The following PACRG variants were observed in gnomAD, a reference collection of about 807,000 sequenced individuals.
PACRG encodes the protein parkin coregulated gene protein.
In PACRG, 29 loss-of-function variants were observed where a neutral mutation model predicts 29.7. The observed-to-expected ratio is 0.98, with a 90% confidence interval of 0.73 to 1.33. The LOEUF is 1.33. Ranked by LOEUF, PACRG falls within the 40% of genes most tolerant of loss-of-function variation. The pLI is 0.00. For missense variants in PACRG, 279 were observed against 316.2 expected, an observed-to-expected ratio of 0.88 and a Z score of 0.89; for synonymous variants, 116 against 118.7, an observed-to-expected ratio of 0.98 and a Z score of 0.15.
chr6:163,252,680 C>G (rs767346934), intron 4 of PACRG, among the ~76,000 whole-genome samples: 1 of 152,182 alleles, frequency 6.6e-6, no homozygotes, highest in Admixed American at 6.5e-5. Context: ...TAACGGACAC[C>G]TCACCAGTGT....
intron 4 of PACRG, among the ~76,000 whole-genome samples, chr6:163,153,019 G>C (rs945858079): frequency 6.6e-6 from 1 of 152,102 alleles, no homozygotes; most frequent in South Asian, 2.1e-4. Flanking sequence ...CTCTTGATGA[G>C]ATCATTAAAG....
chr6:162,979,839 A>G (rs948462281), intron 2 of PACRG, among the ~76,000 whole-genome samples: 5 of 152,084 alleles, frequency 3.3e-5, no homozygotes, highest in East Asian at 1.9e-4. Flanking sequence ...TGTGCTTTCT[A>G]TTTAATAGTA....
chr6:162,885,235 C>CTT (rs36030258), intron 2 of PACRG, among the ~76,000 whole-genome samples: 24,188 of 141,532 alleles, frequency 0.17, 2,187 homozygotes, highest in Middle Eastern at 0.2. Flanking sequence ...TTTGAGTAAC[C>CTT]TTTTTTTTTT....
intron 1 of PACRG, among the ~76,000 whole-genome samples, chr6:162,765,283 C>T (rs540401626): frequency 5.1e-4 from 77 of 152,162 alleles, no homozygotes; most frequent in Admixed American, 3.7e-3. Flanking sequence ...ATGTCCAGCA[C>T]GCATGCTAAG....
chr6:163,064,243 T>C (rs922280409), intron 3 of PACRG, among the ~76,000 whole-genome samples: 1 of 152,184 alleles, frequency 6.6e-6, no homozygotes, highest in Admixed American at 6.5e-5. Context: ...CACTGGAGTT[T>C]TGCAGGCCAA....
At chr6:162,778,930 A>C (rs1407388011) in intron 1 of PACRG, among the ~76,000 whole-genome samples, 1 of 152,170 alleles carries the variant, frequency 6.6e-6, no homozygotes, top group Non-Finnish European at 1.5e-5. Flanking sequence ...GGTTTGTTTC[A>C]TAGGTAAACG....
chr6:162,962,461 C>T (rs1450095890), intron 2 of PACRG, among the ~76,000 whole-genome samples: 1 of 152,102 alleles, frequency 6.6e-6, no homozygotes, highest in Non-Finnish European at 1.5e-5. Context: ...ACCTTGAAGC[C>T]CCAAACCCCA....
At chr6:162,728,973 AG>A (rs1315209880) in intron 1 of PACRG, among the ~76,000 whole-genome samples, 1 of 152,210 alleles carries the variant, frequency 6.6e-6, no homozygotes, top group Admixed American at 6.5e-5. Flanking sequence ...AGGCCTTTTA[AG>A]ATGATGTGCT....
At chr6:163,295,341 C>T (rs1019981276) in intron 4 of PACRG, among the ~76,000 whole-genome samples, 3 of 152,264 alleles carry the variant, frequency 2.0e-5, no homozygotes, top group South Asian at 2.1e-4. Context: ...ATTACAAGGG[C>T]GACCATAAGG....
chr6:162,816,044 TTAA>T (rs1787309917), intron 2 of PACRG, among the ~76,000 whole-genome samples: 1 of 151,800 alleles, frequency 6.6e-6, no homozygotes, highest in Admixed American at 6.5e-5. Context: ...AAATAAATTA[TTAA>T]TAAAAATATG....
At chr6:163,183,679 T>A (rs1468144680) in intron 4 of PACRG, 3 of 152,252 alleles carry the variant, frequency 2.0e-5, no homozygotes, top group Admixed American at 6.5e-5. Flanking sequence ...TTAGGGTTTT[T>A]AAGCTAATCA....
intron 4 of PACRG, among the ~76,000 whole-genome samples, chr6:163,126,791 G>A (rs1270708620): frequency 1.3e-5 from 2 of 152,216 alleles, no homozygotes; most frequent in African/African-American, 4.8e-5. Context: ...AAATAAAGGT[G>A]CTGTAAATCC....
chr6:162,995,287 C>A (rs988788860), intron 2 of PACRG, among the ~76,000 whole-genome samples: 1 of 150,090 alleles, frequency 6.7e-6, no homozygotes, highest in African/African-American at 2.5e-5. Flanking sequence ...AGCTTCCCGG[C>A]TGCTTTGTTT....
intron 3 of PACRG, among the ~76,000 whole-genome samples, chr6:163,070,767 G>T (rs553189449): frequency 6.7e-6 from 1 of 149,208 alleles, no homozygotes; most frequent in Non-Finnish European, 1.5e-5. Context: ...TAGCTGAATT[G>T]ATTTAAAAAA....
At chr6:163,303,828 G>A (rs1785093577) in intron 4 of PACRG, among the ~76,000 whole-genome samples, 2 of 151,816 alleles carry the variant, frequency 1.3e-5, no homozygotes, top group South Asian at 4.2e-4. Context: ...GGCCAACATG[G>A]TGAAACCCCA....
intron 4 of PACRG, among the ~76,000 whole-genome samples, chr6:163,196,196 G>A (rs1433600000): frequency 6.6e-6 from 1 of 152,226 alleles, no homozygotes; most frequent in Non-Finnish European, 1.5e-5. Context: ...ACCGTGCCCT[G>A]CACATGATAA....
intron 2 of PACRG, among the ~76,000 whole-genome samples, chr6:162,876,339 C>T (rs764301077): frequency 3.3e-5 from 5 of 152,324 alleles, no homozygotes; most frequent in South Asian, 4.1e-4. Context: ...TCTAATAATA[C>T]AGGAGAGAAT....
At chr6:163,004,563 C>A (rs1804866314) in intron 2 of PACRG, among the ~76,000 whole-genome samples, 1 of 151,618 alleles carries the variant, frequency 6.6e-6, no homozygotes, top group Admixed American at 6.6e-5. Context: ...ATGGGGGAAA[C>A]CACCCCCATG....
intron 4 of PACRG, among the ~76,000 whole-genome samples, chr6:163,240,757 G>C (rs2128168114): frequency 6.6e-6 from 1 of 152,304 alleles, no homozygotes; most frequent in African/African-American, 2.4e-5. Context: ...TCACCCTCGG[G>C]GCGCTGCCCT....
Sources: gnomAD v4.1 joint callset for allele counts (sites outside exome capture counted in the v4.1 genomes callset) on GRCh38, gnomAD v4.1.1 for gene constraint, MANE v1.5 for transcripts, NCBI Gene and HGNC (gene_info 2026-07-23, HGNC 2026-07-21) for gene names.